The following GPNMB variants were observed in gnomAD, a reference collection of about 807,000 sequenced individuals.
GPNMB encodes transmembrane glycoprotein NMB.
A neutral mutation model predicts 57.3 loss-of-function variants in GPNMB; 71 were observed. That is an observed-to-expected ratio of 1.24 (90% CI 1.02 to 1.51). The LOEUF (loss-of-function observed/expected upper bound fraction) is 1.51, where lower values mean the gene tolerates loss of function less well. GPNMB is among the 40% of genes most tolerant of loss of function. GPNMB has a pLI of 0.00. For synonymous variants in GPNMB, 253 were observed against 263.2 expected, an observed-to-expected ratio of 0.96 and a Z score of 0.38; for missense variants, 677 against 691.9, an observed-to-expected ratio of 0.98 and a Z score of 0.24.
In GPNMB at chr7:23,246,933, T is replaced by C. The variant is rs201436622; in HGVS notation, c.70+6T>C. The C allele has an allele frequency of 2.2e-5, 35 of 1,603,888 alleles. No homozygotes were observed. Among genetic ancestry groups the C allele is most frequent in the Middle Eastern group, 3.3e-4 (2 of 6,066 alleles). The stretch of plus-strand genomic sequence containing the variant: ...GCCACTTGATGCCGCCAAACGTGAG[T>C]AACCCTTAATTTCTATGTTTAACCC... On this transcript the variant is annotated splice_donor_region_variant and intron_variant, in intron 1 of 10. Transcript: ENST00000258733.
intron 1 of GPNMB, among the ~76,000 whole-genome samples, chr7:23,248,414 G>T (rs982217319): frequency 2.0e-5 from 3 of 152,204 alleles, no homozygotes; most frequent in Non-Finnish European, 4.4e-5. Flanking sequence ...AGCTCGAGAG[G>T]AGTCCTCAGC....
At chr7:23,251,865 T>A (rs745955308) in intron 1 of GPNMB, among the ~76,000 whole-genome samples, 1 of 152,194 alleles carries the variant, frequency 6.6e-6, no homozygotes, top group African/African-American at 2.4e-5. Flanking sequence ...AATTTTGAAC[T>A]GTTAGAGTAG....
rs1194059395 is a variant in GPNMB, at chr7:23,273,557, T to A, written c.1466T>A (p.Leu489Gln). 6.2e-7 allele frequency: 1 copy of A among 1,613,828 alleles called. No individual in the cohort carries two copies. The highest frequency in any genetic ancestry group is 8.5e-7 in the Non-Finnish European group (1 of 1,179,804). The part of the protein sequence containing the change: ...ASPLRMANSA[L>Q]ISVGCLAIFV... ...CCTTTAAGGATGGCAAACAGTGCCC[T>A]GATCTCCGTTGGCTGCTTGGCCATA... The change falls in exon 10 of 11, where the codon CTG becomes CAG. Residue 489 changes from leucine to glutamine, a missense_variant. Coordinates refer to ENST00000258733, the MANE Select transcript of GPNMB (RefSeq NM_002510.3).
chr7:23,248,871 A>G (rs1411874750), intron 1 of GPNMB, among the ~76,000 whole-genome samples: 5 of 151,358 alleles, frequency 3.3e-5, no homozygotes, highest in Non-Finnish European at 7.4e-5. Context: ...GCAGCCTCCA[A>G]CTCCTGGGCT....
At chr7:23,259,653 TATG>T (rs1166860436) in intron 4 of GPNMB, among the ~76,000 whole-genome samples, 1 of 152,238 alleles carries the variant, frequency 6.6e-6, no homozygotes, top group African/African-American at 2.4e-5. Flanking sequence ...ATGTATTTTC[TATG>T]GGGAAAACAT....
At chr7:23,249,249 T>A (rs1046394086) in intron 1 of GPNMB, among the ~76,000 whole-genome samples, 4 of 152,194 alleles carry the variant, frequency 2.6e-5, no homozygotes, top group African/African-American at 9.6e-5. Context: ...CTTTTTATTG[T>A]GAGGTATTTA....
At chr7:23,250,487 C>T (rs755390343) in intron 1 of GPNMB, among the ~76,000 whole-genome samples, 3 of 151,898 alleles carry the variant, frequency 2.0e-5, no homozygotes, top group South Asian at 2.1e-4. Flanking sequence ...CCTAGCTAAT[C>T]GGAAGGCTGG....
At chr7:23,261,298 G>A (rs914308059) in intron 6 of GPNMB, among the ~76,000 whole-genome samples, 4 of 152,190 alleles carry the variant, frequency 2.6e-5, no homozygotes, top group Non-Finnish European at 4.4e-5. Flanking sequence ...TTAGCAAGCT[G>A]CAGTGACTCC....
At chr7:23,254,066 G>T (rs1229071922) in intron 2 of GPNMB, 103 bp from the exon 3 acceptor site, 13 of 879,438 alleles carry the variant, frequency 1.5e-5, no homozygotes, top group Non-Finnish European at 2.0e-5. Flanking sequence ...TTATAAAGAG[G>T]CATATGGGTC....
chr7:23,262,105 G>T (rs930964686), intron 6 of GPNMB, among the ~76,000 whole-genome samples: 6 of 152,106 alleles, frequency 3.9e-5, no homozygotes, highest in Non-Finnish European at 5.9e-5. Context: ...ACAAAATCCT[G>T]TTTGTTATAA....
chr7:23,260,163 G>A (rs1177083290), intron 5 of GPNMB, 25 bp downstream of exon 5: 21 of 1,610,264 alleles, frequency 1.3e-5, no homozygotes, highest in East Asian at 2.2e-5. Flanking sequence ...CTCTAACTGA[G>A]GATGAGGCAC....
chr7:23,254,162 A>T lies in GPNMB; in HGVS notation c.224-7A>T. The T allele has an allele frequency of 6.3e-7, 1 of 1,593,662 alleles. No individual in the cohort carries two copies. The highest frequency in any genetic ancestry group is 8.5e-7 in the Non-Finnish European group (1 of 1,173,566). On this transcript the variant is annotated splice_region_variant and splice_polypyrimidine_tract_variant and intron_variant, in intron 2 of 10. Transcript: ENST00000258733. ...GGATCATCGAGCCCCACTTTTTTAT[A>T]CCCTAGGAGGCCGTGTGCAGGCGGT... is the stretch of plus-strand genomic sequence containing the variant.
In GPNMB at chr7:23,274,282, A is replaced by G. The variant is rs2128486255; in HGVS notation, c.*58A>G. The G allele has an allele frequency of 6.1e-6, 8 of 1,302,572 alleles. No individual in the cohort carries two copies. The highest frequency in any genetic ancestry group is 8.8e-6 in the Non-Finnish European group (8 of 914,242). 80.7% of individuals were successfully genotyped at this position (1,302,572 alleles called of 1,614,324 possible). On this transcript the variant is annotated 3_prime_UTR_variant, in exon 11 of 11. Coordinates refer to ENST00000258733, the MANE Select transcript of GPNMB (RefSeq NM_002510.3). Reference sequence around the variant, plus strand: ...GTGCCATTGATGTGAGATGTGCTGGAGTGGCTATTAACCTTTTTTTCCTAA... The same window carrying G: ...GTGCCATTGATGTGAGATGTGCTGGGGTGGCTATTAACCTTTTTTTCCTAA...
chr7:23,253,245 C>A, intron 1 of GPNMB, 62 bp from the exon 2 acceptor site: 1 of 1,434,210 alleles, frequency 7.0e-7, no homozygotes, highest in South Asian at 1.3e-5. Flanking sequence ...TAAAAAGTTT[C>A]TTTAACCACT....
intron 3 of GPNMB, 95 bp downstream of exon 3, chr7:23,254,407 C>T (rs1782730656): frequency 2.1e-6 from 2 of 963,794 alleles, no homozygotes; most frequent in African/African-American, 1.6e-5. Context: ...CTGATCTCAT[C>T]CCTTGCCACT....
At chr7:23,270,242 G>A in intron 9 of GPNMB, 67 bp downstream of exon 9, 1 of 1,016,230 alleles carries the variant, frequency 9.8e-7, no homozygotes, top group Non-Finnish European at 1.5e-6. Context: ...CCATACTAAA[G>A]CTATTTAGGC....
At chr7:23,264,798 A>G (rs1783019996) in intron 6 of GPNMB, among the ~76,000 whole-genome samples, 1 of 152,192 alleles carries the variant, frequency 6.6e-6, no homozygotes, top group Non-Finnish European at 1.5e-5. Flanking sequence ...AGAACAAGAG[A>G]AGTTTTATTT....
chr7:23,248,385 AG>A (rs1782585523), intron 1 of GPNMB, among the ~76,000 whole-genome samples: 1 of 152,188 alleles, frequency 6.6e-6, no homozygotes, highest in Non-Finnish European at 1.5e-5. Context: ...GATTAGCAGG[AG>A]GCCGAATCAG....
chr7:23,253,366 T>C lies in GPNMB; in HGVS notation c.130T>C (p.Leu44=), dbSNP rs1177612709. Reference sequence around the variant, plus strand: ...TGCTTACATGAGGGAGCACAATCAATTAAATGGCTGGTCTTCTGATGAAAA... The same window carrying C: ...TGCTTACATGAGGGAGCACAATCAACTAAATGGCTGGTCTTCTGATGAAAA... ...PSAYMREHNQ[L]NGWSSDENDW... Residue 44 remains leucine (L), a synonymous_variant, in exon 2 of 11, where the codon TTA becomes CTA. Transcript: ENST00000258733. 2 of 1,613,774 alleles carry C rather than the reference T, an allele frequency of 1.2e-6. No individual in the cohort carries two copies. The highest frequency in any genetic ancestry group is 1.1e-5 in the South Asian group (1 of 91,072).
Sources: gnomAD v4.1 joint callset for allele counts (sites outside exome capture counted in the v4.1 genomes callset) on GRCh38, gnomAD v4.1.1 for gene constraint, MANE v1.5 for transcripts, NCBI Gene and HGNC (gene_info 2026-07-23, HGNC 2026-07-21) for gene names.